Variants in CNBD1 observed in about 807,000 individuals in gnomAD.
CNBD1 encodes the protein cyclic nucleotide-binding domain-containing protein 1.
CNBD1 carries 71 observed loss-of-function variants against 54.4 expected under a neutral mutation model. The ratio of observed to expected loss-of-function variants is 1.30; its 90% CI spans 1.08 to 1.59. CNBD1 has a LOEUF of 1.59. CNBD1 is among the 40% of genes most tolerant of loss of function. The probability of loss-of-function intolerance (pLI) is 0.00; values close to 1 mark genes in which losing one functional copy is unlikely to be tolerated. For synonymous variants in CNBD1, 182 were observed against 170.7 expected, an observed-to-expected ratio of 1.07 and a Z score of -0.51; for missense variants, 659 against 518.0, an observed-to-expected ratio of 1.27 and a Z score of -2.64.
intron 5 of CNBD1, among the ~76,000 whole-genome samples, chr8:87,229,546 T>C (rs1814617827): frequency 6.6e-6 from 1 of 152,170 alleles, no homozygotes; most frequent in Non-Finnish European, 1.5e-5. Context: ...AGTATTTTAA[T>C]AATTTGTCTA....
intron 4 of CNBD1, among the ~76,000 whole-genome samples, chr8:87,144,179 A>G (rs1046174303): frequency 6.6e-6 from 1 of 152,220 alleles, no homozygotes; most frequent in Non-Finnish European, 1.5e-5. Context: ...CCTTGAAGGG[A>G]CAAAAGTGTT....
At chr8:87,313,774 T>A (rs1030748594) in intron 8 of CNBD1, among the ~76,000 whole-genome samples, 7 of 151,944 alleles carry the variant, frequency 4.6e-5, no homozygotes, top group Non-Finnish European at 8.8e-5. Context: ...GAAAATAAGA[T>A]TAAATGCTTA....
intron 6 of CNBD1, among the ~76,000 whole-genome samples, chr8:87,264,827 G>T (rs182910497): frequency 3.9e-5 from 6 of 151,940 alleles, no homozygotes; most frequent in African/African-American, 1.5e-4. Context: ...CATATCCTTC[G>T]CCCACTTGTT....
intron 6 of CNBD1, among the ~76,000 whole-genome samples, chr8:87,264,870 G>C (rs572201676): frequency 6.6e-6 from 1 of 152,084 alleles, no homozygotes; most frequent in Non-Finnish European, 1.5e-5. Context: ...TTGTAAATTT[G>C]TTTAAGTTCT....
chr8:87,259,110 CA>C, intron 6 of CNBD1, among the ~76,000 whole-genome samples: 1 of 152,042 alleles, frequency 6.6e-6, no homozygotes, highest in Non-Finnish European at 1.5e-5. Context: ...TAATTTTTAA[CA>C]ATTTTCACTT....
chr8:86,872,679 A>G (rs1586101885), intron 1 of CNBD1, among the ~76,000 whole-genome samples: 1 of 152,174 alleles, frequency 6.6e-6, no homozygotes, highest in African/African-American at 2.4e-5. Flanking sequence ...CCTGATGATT[A>G]GAGATATTGA....
chr8:87,094,654 G>A (rs2130684632), intron 4 of CNBD1, among the ~76,000 whole-genome samples: 1 of 152,158 alleles, frequency 6.6e-6, no homozygotes, highest in Admixed American at 6.5e-5. Context: ...TAAACTTTGT[G>A]GACATAGAGG....
chr8:87,375,736 A>C (rs950820503), intron 10 of CNBD1, among the ~76,000 whole-genome samples: 22 of 152,046 alleles, frequency 1.4e-4, no homozygotes, highest in Middle Eastern at 3.4e-3. Context: ...TGAAATCCCC[A>C]AAAATTACTT....
intron 6 of CNBD1, among the ~76,000 whole-genome samples, chr8:87,247,621 AT>A (rs35794604): frequency 0.29 from 44,032 of 151,752 alleles, 7,104 homozygotes; most frequent in African/African-American, 0.43. Context: ...GCCAGGGGTG[AT>A]TTTTTTTCTA....
chr8:87,015,264 G>A (rs1195935750), intron 4 of CNBD1, among the ~76,000 whole-genome samples: 1 of 152,132 alleles, frequency 6.6e-6, no homozygotes, highest in Non-Finnish European at 1.5e-5. Context: ...CTCACTGCAA[G>A]CTCCACCTCC....
At chr8:87,421,440 A>G (rs1035128071) in intron 2 of CNBD1, among the ~76,000 whole-genome samples, 12 of 84,802 alleles carry the variant, frequency 1.4e-4, no homozygotes, top group Admixed American at 3.5e-4. Flanking sequence ...CCCACCCCAC[A>G]ACAGTCCCCA....
At chr8:86,899,665 G>A (rs1419211232) in intron 2 of CNBD1, among the ~76,000 whole-genome samples, 1 of 152,104 alleles carries the variant, frequency 6.6e-6, no homozygotes, top group African/African-American at 2.4e-5. Flanking sequence ...TAAATCTGAT[G>A]TTGTTGCTGC....
intron 2 of CNBD1, among the ~76,000 whole-genome samples, chr8:87,392,264 C>A (rs1811323911): frequency 6.6e-6 from 1 of 152,002 alleles, no homozygotes; most frequent in African/African-American, 2.4e-5. Context: ...ACAAGTTCAA[C>A]ATATATTTAC....
At chr8:87,421,845 G>A (rs200794088) in intron 2 of CNBD1, among the ~76,000 whole-genome samples, 85 of 141,680 alleles carry the variant, frequency 6.0e-4, no homozygotes, top group South Asian at 2.6e-3. Flanking sequence ...CTGAGGAATC[G>A]CCACACTGAC....
At chr8:87,238,280 C>T (rs1405664037) in intron 6 of CNBD1, among the ~76,000 whole-genome samples, 1 of 152,038 alleles carries the variant, frequency 6.6e-6, no homozygotes, top group Non-Finnish European at 1.5e-5. Flanking sequence ...TGTGATAGCT[C>T]TTACTGCACA....
At chr8:86,930,701 C>T (rs1006357990) in intron 3 of CNBD1, among the ~76,000 whole-genome samples, 3 of 152,182 alleles carry the variant, frequency 2.0e-5, no homozygotes, top group South Asian at 2.1e-4. Flanking sequence ...GAATTACTCC[C>T]TCATTGATGA....
chr8:87,326,983 G>A (rs1809683226), intron 8 of CNBD1, among the ~76,000 whole-genome samples: 1 of 140,468 alleles, frequency 7.1e-6, no homozygotes, highest in South Asian at 2.3e-4. Context: ...TGGGTTTTTG[G>A]TGTGGATGTC....
chr8:87,255,046 A>C (rs974432278), intron 6 of CNBD1, among the ~76,000 whole-genome samples: 1 of 152,132 alleles, frequency 6.6e-6, no homozygotes, highest in Non-Finnish European at 1.5e-5. Flanking sequence ...TGTGCGAAAG[A>C]AGGGGTTTGA....
chr8:87,185,381 C>G (rs1358437751), intron 4 of CNBD1, among the ~76,000 whole-genome samples: 1 of 151,970 alleles, frequency 6.6e-6, no homozygotes, highest in Non-Finnish European at 1.5e-5. Flanking sequence ...TATTGGGTGC[C>G]AGTTATTTTA....
Sources: gnomAD v4.1 joint callset for allele counts (sites outside exome capture counted in the v4.1 genomes callset) on GRCh38, gnomAD v4.1.1 for gene constraint, MANE v1.5 for transcripts, NCBI Gene and HGNC (gene_info 2026-07-23, HGNC 2026-07-21) for gene names.